Variants in ADGRG7 observed in about 807,000 individuals in gnomAD.
ADGRG7 encodes the protein G-protein coupled receptor 128.
Under a neutral mutation model 88.6 loss-of-function variants are expected in ADGRG7, and 82 were observed. The observed-to-expected ratio is 0.93, with a 90% CI of 0.77 to 1.11. The LOEUF (loss-of-function observed/expected upper bound fraction) is 1.11, where lower values mean the gene tolerates loss of function less well. Among genes scored for constraint, ADGRG7 ranks in the 50% most tolerant of loss-of-function variants. ADGRG7 has a pLI of 0.00. For missense variants in ADGRG7, 945 were observed against 953.4 expected (o/e 0.99, Z 0.12); for synonymous variants, 381 against 345.2 (o/e 1.10, Z -1.15).
intron 1 of ADGRG7, among the ~76,000 whole-genome samples, chr3:100,626,373 A>T (rs768411026): frequency 1.3e-5 from 2 of 152,192 alleles, no homozygotes; most frequent in Non-Finnish European, 2.9e-5. Flanking sequence ...TAATTTCTAT[A>T]AAAAAACTTT....
chr3:100,629,262 G>A (rs548095578), intron 1 of ADGRG7, among the ~76,000 whole-genome samples: 4 of 142,060 alleles, frequency 2.8e-5, no homozygotes, highest in African/African-American at 1.0e-4. Flanking sequence ...AAGCCTCCAT[G>A]TTGACTCTAT....
chr3:100,657,519 A>C (rs2094939307), intron 13 of ADGRG7, among the ~76,000 whole-genome samples: 1 of 152,172 alleles, frequency 6.6e-6, no homozygotes, highest in African/African-American at 2.4e-5. Flanking sequence ...TACCACTGCT[A>C]TGTAGGCCAT....
At chr3:100,644,434 A>T (rs974350990) in intron 8 of ADGRG7, among the ~76,000 whole-genome samples, 1 of 152,204 alleles carries the variant, frequency 6.6e-6, no homozygotes, top group African/African-American at 2.4e-5. Context: ...CTTTTAATTT[A>T]AAAATACTTC....
At chr3:100,653,395 A>G (rs2094932466) in intron 11 of ADGRG7, among the ~76,000 whole-genome samples, 1 of 152,230 alleles carries the variant, frequency 6.6e-6, no homozygotes, top group South Asian at 2.1e-4. Flanking sequence ...AGTGACTTTT[A>G]AATATAAATT....
At chr3:100,657,981 AAATT>A (rs1055152435) in intron 13 of ADGRG7, among the ~76,000 whole-genome samples, 9 of 152,192 alleles carry the variant, frequency 5.9e-5, no homozygotes, top group African/African-American at 2.2e-4. Flanking sequence ...AAAGAAAATA[AAATT>A]AATTGAATGC....
intron 12 of ADGRG7, among the ~76,000 whole-genome samples, chr3:100,655,501 T>A (rs1443784425): frequency 1.3e-5 from 2 of 152,186 alleles, no homozygotes; most frequent in Admixed American, 6.5e-5. Context: ...TTAAAAGAAA[T>A]GTTTCAAGAA....
chr3:100,643,201 C>G (rs1707674786), intron 6 of ADGRG7, 65 bp from the exon 7 acceptor site: 2 of 1,442,458 alleles, frequency 1.4e-6, no homozygotes, highest in African/African-American at 2.8e-5. Flanking sequence ...TAGTGTAAGA[C>G]AGAACACATA....
chr3:100,657,241 C>T (rs2094938938), intron 13 of ADGRG7, among the ~76,000 whole-genome samples: 1 of 152,172 alleles, frequency 6.6e-6, no homozygotes, highest in African/African-American at 2.4e-5. Flanking sequence ...TCTCCCCCAC[C>T]TTCCACCCTA....
intron 1 of ADGRG7, among the ~76,000 whole-genome samples, chr3:100,612,483 T>TC (rs1317051784): frequency 6.6e-6 from 1 of 152,212 alleles, no homozygotes; most frequent in Non-Finnish European, 1.5e-5. Flanking sequence ...GCCCCTTCAC[T>TC]CTTGATGATG....
chr3:100,619,973 A>T (rs1475915127), intron 1 of ADGRG7, among the ~76,000 whole-genome samples: 1 of 152,228 alleles, frequency 6.6e-6, no homozygotes. Context: ...AAATTCTACC[A>T]GAGGTATAAG....
chr3:100,676,361 C>T lies in ADGRG7; in HGVS notation c.2136+7256C>T, dbSNP rs370259003. Among the ~76,000 whole-genome samples, 227 of 151,908 alleles carry T rather than the reference C, an allele frequency of 1.5e-3. 9 individuals are homozygous for T. The South Asian group carries it at 0.045, about 30-fold the overall frequency. ...CCTTTTAATTTCTTTCTTGACTCAC[C>T]GGTAATTGAGGAGCATATTGTTTAA... On this transcript the variant is annotated intron_variant, in intron 15 of 15. Coordinates refer to ENST00000273352, the MANE Select transcript of ADGRG7 (RefSeq NM_032787.3).
rs111713132 is a variant in ADGRG7 at position 100,609,951 on chromosome 3, T to C, written c.95T>C (p.Ile32Thr). The change falls in exon 1 of 16, where the codon ATT (isoleucine) becomes ACT (threonine). Residue 32 changes from isoleucine to threonine, a missense_variant. By Grantham distance (89) the Ile-to-Thr change is moderately conservative. Coordinates refer to ENST00000273352, the MANE Select transcript of ADGRG7 (RefSeq NM_032787.3). ...ATTTTGGGACTGGGCATCTGGAGGA[T>C]TGTGATCAGGATCCAAAGAGGTAAT... ...GIILGLGIWRIVIRIQRGKST... is the reference protein window; with the variant it reads ...GIILGLGIWRTVIRIQRGKST... The C allele has an allele frequency of 4.3e-6, 7 of 1,613,366 alleles. No homozygotes were observed. The highest frequency in any genetic ancestry group is 1.3e-5 in the African/African-American group (1 of 75,010).
chr3:100,646,888 G>A (rs892842291), intron 10 of ADGRG7, among the ~76,000 whole-genome samples, 164 bp downstream of exon 10: 1 of 152,170 alleles, frequency 6.6e-6, no homozygotes, highest in Non-Finnish European at 1.5e-5. Flanking sequence ...GGCCGGGCGC[G>A]GTGGCTCACG....
chr3:100,616,682 G>C (rs1027247139), intron 1 of ADGRG7, among the ~76,000 whole-genome samples: 1 of 152,076 alleles, frequency 6.6e-6, no homozygotes, highest in East Asian at 1.9e-4. Flanking sequence ...ATAACCAGGC[G>C]TAGTGGCGCC....
chr3:100,635,655 T>A, intron 4 of ADGRG7, 22 bp from the exon 5 acceptor site: 1 of 1,606,498 alleles, frequency 6.2e-7, no homozygotes, highest in Non-Finnish European at 8.5e-7. Context: ...AGCTAGGGTT[T>A]TTTTTCTGGT....
In ADGRG7 at chr3:100,694,785, C is replaced by T; in HGVS notation, c.2178C>T (p.Val726=). The T allele has an allele frequency of 1.2e-6, 2 of 1,614,130 alleles. No individual in the cohort carries two copies. The highest frequency in any genetic ancestry group is 2.2e-5 in the South Asian group (2 of 91,084). ...IFILYTVRTK[V]FQSEASKVLM... ...TCCTGTACACTGTTAGAACAAAAGT[C>T]TTCCAGAGTGAAGCTTCCAAAGTGT... The change falls in exon 16 of 16, where the codon GTC becomes GTT. Residue 726 remains valine (V), a synonymous_variant. Transcript: ENST00000273352.
At chr3:100,665,062 T>G (rs1324928673) in intron 14 of ADGRG7, 1 of 488,098 alleles carries the variant, frequency 2.0e-6, no homozygotes, top group African/African-American at 2.0e-5. Flanking sequence ...AGTGGAAAAA[T>G]CCAAGTTTCT....
At chr3:100,652,882 G>A (rs544777981) in intron 11 of ADGRG7, among the ~76,000 whole-genome samples, 1 of 152,108 alleles carries the variant, frequency 6.6e-6, no homozygotes, top group South Asian at 2.1e-4. Flanking sequence ...TGCTCTTTTA[G>A]AGCAAAGACA....
At chr3:100,680,452 T>C (rs1384762670) in intron 15 of ADGRG7, among the ~76,000 whole-genome samples, 1 of 152,182 alleles carries the variant, frequency 6.6e-6, no homozygotes, top group African/African-American at 2.4e-5. Flanking sequence ...TTAGATCTAA[T>C]GTATTTTTTT....
Sources: allele counts gnomAD v4.1 joint callset (sites outside exome capture counted in the v4.1 genomes callset), GRCh38; gene constraint gnomAD v4.1.1; transcripts MANE v1.5; gene names NCBI Gene and HGNC (gene_info 2026-07-23, HGNC 2026-07-21).